The following CIMIP4 variants were observed in gnomAD, a reference collection of about 807,000 sequenced individuals.
CIMIP4 encodes the protein ciliary microtubule inner protein 4.
chr22:36,995,541 C>G, the CIMIP4 span, among the ~76,000 whole-genome samples: 3 of 152,170 alleles, frequency 2.0e-5, no homozygotes. Flanking sequence ...TGTGGGAAGC[C>G]TATACACCCA....
chr22:37,006,347 CA>C, the CIMIP4 span, among the ~76,000 whole-genome samples: 2 of 152,216 alleles, frequency 1.3e-5, no homozygotes, highest in South Asian at 4.1e-4. Context: ...GAAACCTAAT[CA>C]AGGAATGTCC....
the CIMIP4 span, among the ~76,000 whole-genome samples, chr22:37,001,272 C>T: frequency 6.6e-6 from 1 of 151,600 alleles, no homozygotes; most frequent in Non-Finnish European, 1.5e-5. Context: ...ATGTATTTGT[C>T]AGCCTGATCT....
At chr22:36,999,603 A>T in the CIMIP4 span, among the ~76,000 whole-genome samples, 1 of 93,000 alleles carries the variant, frequency 1.1e-5, no homozygotes, top group Non-Finnish European at 2.1e-5. Flanking sequence ...GAGGGGAGGG[A>T]CCAGAGGTGC....
the CIMIP4 span, among the ~76,000 whole-genome samples, chr22:37,004,729 C>G: frequency 6.6e-6 from 1 of 151,982 alleles, no homozygotes; most frequent in African/African-American, 2.4e-5. Context: ...ACTCTGTCAC[C>G]CAGGCTGGAG....
chr22:36,999,323 GA>G, the CIMIP4 span, among the ~76,000 whole-genome samples: 480 of 147,590 alleles, frequency 3.3e-3, 4 homozygotes, highest in African/African-American at 0.011. Context: ...AAACAGAAAA[GA>G]AAAAAATTAG....
At chr22:36,997,722 G>A in the CIMIP4 span, among the ~76,000 whole-genome samples, 28 of 152,284 alleles carry the variant, frequency 1.8e-4, no homozygotes, top group African/African-American at 5.8e-4. Context: ...CCATTCTCCT[G>A]CTTAAAATCC....
At chr22:36,994,366 T>G in the CIMIP4 span, among the ~76,000 whole-genome samples, 1 of 152,184 alleles carries the variant, frequency 6.6e-6, no homozygotes, top group Non-Finnish European at 1.5e-5. Flanking sequence ...GTCACCAGGC[T>G]GGAGTGCAGT....
At chr22:37,007,236 C>T in the CIMIP4 span, among the ~76,000 whole-genome samples, 1 of 152,162 alleles carries the variant, frequency 6.6e-6, no homozygotes, top group Non-Finnish European at 1.5e-5. Flanking sequence ...AGATAACTAA[C>T]ACAAGTCCAT....
the CIMIP4 span, chr22:36,991,342 C>T: frequency 6.3e-7 from 1 of 1,582,438 alleles, no homozygotes; most frequent in South Asian, 1.1e-5. Flanking sequence ...GTTGCCCAGA[C>T]CCCAGGGATG....
the CIMIP4 span, among the ~76,000 whole-genome samples, chr22:36,994,000 C>T: frequency 6.6e-6 from 1 of 152,150 alleles, no homozygotes; most frequent in African/African-American, 2.4e-5. Flanking sequence ...GCAGTCTGGT[C>T]TAACTATATC....
the CIMIP4 span, among the ~76,000 whole-genome samples, chr22:36,998,412 A>T: frequency 6.6e-6 from 1 of 152,138 alleles, no homozygotes; most frequent in Non-Finnish European, 1.5e-5. Context: ...CCCTGGGAGC[A>T]CTGGAGAGGG....
At chr22:37,001,385 C>T in the CIMIP4 span, among the ~76,000 whole-genome samples, 1 of 151,976 alleles carries the variant, frequency 6.6e-6, no homozygotes, top group Admixed American at 6.6e-5. Flanking sequence ...AGGATTCAAA[C>T]GCACGTCTTC....
the CIMIP4 span, among the ~76,000 whole-genome samples, chr22:36,992,301 C>T: frequency 6.6e-6 from 1 of 152,030 alleles, no homozygotes; most frequent in Non-Finnish European, 1.5e-5. Flanking sequence ...GAGCCGAGAT[C>T]GTGCCACTGC....
At chr22:37,001,893 T>C in the CIMIP4 span, 1,494 of 1,612,200 alleles carry the variant, frequency 9.3e-4, 2 homozygotes, top group Non-Finnish European at 1.2e-3. Flanking sequence ...TGGCGAATGT[T>C]GTTAGGAATG....
chr22:37,000,127 G>A, the CIMIP4 span: 1 of 1,049,938 alleles, frequency 9.5e-7, no homozygotes. Flanking sequence ...TATTCACAGG[G>A]CTGGGGAGCT....
chr22:36,996,059 C>T, the CIMIP4 span, among the ~76,000 whole-genome samples: 1 of 152,058 alleles, frequency 6.6e-6, no homozygotes, highest in African/African-American at 2.4e-5. Context: ...GGGTTTAAAT[C>T]CCAATTCTGA....
the CIMIP4 span, among the ~76,000 whole-genome samples, chr22:36,994,589 G>C: frequency 1.4e-5 from 2 of 147,058 alleles, no homozygotes; most frequent in South Asian, 4.2e-4. Context: ...GGATGATCTC[G>C]ATCTCTTGAC....
chr22:36,995,514 T>C, the CIMIP4 span, among the ~76,000 whole-genome samples: 97,840 of 151,954 alleles, frequency 0.64, 32,151 homozygotes, highest in African/African-American at 0.77. Flanking sequence ...CCCACATGGT[T>C]CCCCCGCAGC....
At chr22:37,002,050 G>C in the CIMIP4 span, 1 of 1,608,170 alleles carries the variant, frequency 6.2e-7, no homozygotes, top group Non-Finnish European at 8.5e-7. Context: ...CATTCTTCAG[G>C]GACCTGGACT....
Sources: allele counts gnomAD v4.1 joint callset (sites outside exome capture counted in the v4.1 genomes callset), GRCh38; gene constraint gnomAD v4.1.1; transcripts MANE v1.5; gene names NCBI Gene and HGNC (gene_info 2026-07-23, HGNC 2026-07-21).